The following DNAJB4 variants were observed in gnomAD, a reference collection of about 807,000 sequenced individuals.
DNAJB4 encodes the protein DnaJ heat shock protein family (Hsp40) member B4, also known as dnaJ homolog subfamily B member 4.
DNAJB4 carries 10 observed loss-of-function variants against 26.6 expected under a neutral mutation model. The ratio of observed to expected loss-of-function variants is 0.38; its 90% CI spans 0.23 to 0.64. DNAJB4 has a LOEUF of 0.64. Ranked by LOEUF, DNAJB4 falls within the 30% of genes least tolerant of loss-of-function variation. The pLI is 0.58. For synonymous variants in DNAJB4, 136 were observed against 134.8 expected (o/e 1.01, Z -0.06); for missense variants, 328 against 408.2 (o/e 0.80, Z 1.69).
At chr1:77,983,713 T>G (rs1659725123) in intron 1 of DNAJB4, among the ~76,000 whole-genome samples, 1 of 152,128 alleles carries the variant, frequency 6.6e-6, no homozygotes, top group African/African-American at 2.4e-5. Context: ...GGGGGTAAGG[T>G]TATAGATTAA....
intron 1 of DNAJB4, among the ~76,000 whole-genome samples, chr1:77,984,983 C>T (rs933760902): frequency 6.6e-6 from 1 of 152,162 alleles, no homozygotes; most frequent in African/African-American, 2.4e-5. Flanking sequence ...ATTTCTAATC[C>T]AGTGCTCTTT....
chr1:78,012,965 C>G, intron 1 of DNAJB4, 86 bp from the exon 2 acceptor site: 1 of 1,258,964 alleles, frequency 7.9e-7, no homozygotes, highest in South Asian at 1.8e-5. Flanking sequence ...GTAAGTTAGC[C>G]AAAATTTATT....
chr1:77,980,223 C>T (rs1294236206), exon 1 of DNAJB4: 1 of 152,008 alleles, frequency 6.6e-6, no homozygotes. Flanking sequence ...TGTTTCTTGA[C>T]CAAAATAGAT....
chr1:78,012,095 T>G (rs1660494938), intron 1 of DNAJB4, among the ~76,000 whole-genome samples: 1 of 142,980 alleles, frequency 7.0e-6, no homozygotes. Flanking sequence ...ATTTATATAC[T>G]TCAGCATGCC....
At chr1:77,988,925 T>C (rs1302973998) in intron 1 of DNAJB4, among the ~76,000 whole-genome samples, 1 of 152,186 alleles carries the variant, frequency 6.6e-6, no homozygotes, top group East Asian at 1.9e-4. Flanking sequence ...AGTAAATGAA[T>C]GTTCATTCAT....
At position 78,013,534 on chromosome 1, in the gene DNAJB4, T is replaced by C. The variant is rs145798922; in HGVS notation, c.695T>C (p.Val232Ala). 1 of 1,613,272 alleles carries C rather than the reference T, an allele frequency of 6.2e-7. No individual in the cohort carries two copies. Among genetic ancestry groups the C allele is most frequent in the African/African-American group, 1.3e-5 (1 of 74,896 alleles). ...ETPNSIPADIVFIIKDKDHPK... is the reference protein window; with the variant it reads ...ETPNSIPADIAFIIKDKDHPK... The stretch of plus-strand genomic sequence containing the variant: ...CCAAATAGTATTCCAGCAGACATTG[T>C]TTTTATCATTAAAGACAAAGATCAT... Residue 232 changes from valine to alanine, a missense_variant, in exon 2 of 3, where the codon GTT (valine) becomes GCT (alanine). Val to Ala is a moderately conservative substitution (Grantham distance 64). Coordinates refer to ENST00000370763, the MANE Select transcript of DNAJB4 (RefSeq NM_007034.5).
rs1660634059 is a variant in DNAJB4, at chr1:78,016,063, T to TA, written c.831dup (p.Pro278ThrfsTer6). ...GTACCAACACTGGATGGAAGAAACA[T>TA]ACCTATGTCAGTAAATGATATTGTG... On this transcript the variant is annotated frameshift_variant, in exon 3 of 3. Coordinates refer to ENST00000370763, the MANE Select transcript of DNAJB4 (RefSeq NM_007034.5). LOFTEE classifies it high-confidence loss of function. 5 of 1,613,962 alleles carry TA rather than the reference T, an allele frequency of 3.1e-6. No individual in the cohort carries two copies. Among genetic ancestry groups the TA allele is most frequent in the Non-Finnish European group, 4.2e-6 (5 of 1,180,010 alleles).
At chr1:77,983,772 TCTC>T (rs1286466082) in intron 1 of DNAJB4, among the ~76,000 whole-genome samples, 1 of 151,930 alleles carries the variant, frequency 6.6e-6, no homozygotes, top group Non-Finnish European at 1.5e-5. Flanking sequence ...CAAAATGGAG[TCTC>T]CTATGTCTAC....
At position 78,010,859 on chromosome 1, in the gene DNAJB4, T is replaced by A. The variant is rs191842834; in HGVS notation, c.212-2192T>A. On this transcript the variant is annotated intron_variant, in intron 1 of 2. Coordinates refer to ENST00000370763, the MANE Select transcript of DNAJB4 (RefSeq NM_007034.5). ...GTACCGATACTCAAGACACCTTTTT[T>A]AGTTTTGATTTAGAAGGACTTTAGG... Among the ~76,000 whole-genome samples the A allele has an allele frequency of 2.3e-3, 350 of 152,356 alleles. 1 individual carries two copies. The highest frequency in any genetic ancestry group is 7.6e-3 in the African/African-American group (317 of 41,594).
chr1:78,013,893 G>A (rs1054613428), intron 2 of DNAJB4, among the ~76,000 whole-genome samples: 6 of 151,984 alleles, frequency 3.9e-5, no homozygotes, highest in African/African-American at 1.5e-4. Context: ...ATCTGCATTG[G>A]TAATCTCAAC....
At chr1:77,993,097 G>C (rs548262673) in intron 1 of DNAJB4, among the ~76,000 whole-genome samples, 1 of 152,164 alleles carries the variant, frequency 6.6e-6, no homozygotes, top group Non-Finnish European at 1.5e-5. Context: ...ATCATGTTTA[G>C]TGCTTTATTT....
intron 1 of DNAJB4, among the ~76,000 whole-genome samples, chr1:77,988,015 A>ATG (rs1217967124): frequency 3.0e-4 from 44 of 145,032 alleles, no homozygotes; most frequent in African/African-American, 5.6e-4. Flanking sequence ...TTATATATAT[A>ATG]TGTGTGTGTG....
At chr1:78,003,967 A>G (rs1194917939), upstream of DNAJB4, among the ~76,000 whole-genome samples, 1 of 152,232 alleles carries the variant, frequency 6.6e-6, no homozygotes, top group Non-Finnish European at 1.5e-5. Context: ...AATCTCCAAC[A>G]ATGAATATAT....
chr1:78,015,980 G>A (rs777476432), intron 2 of DNAJB4, 34 bp from the exon 3 acceptor site: 2 of 1,573,700 alleles, frequency 1.3e-6, no homozygotes, highest in South Asian at 2.3e-5. Context: ...GAGTTTTGAA[G>A]TGTTTTCATT....
intron 1 of DNAJB4, among the ~76,000 whole-genome samples, chr1:77,982,666 C>T (rs975792845): frequency 1.3e-5 from 2 of 152,258 alleles, no homozygotes; most frequent in East Asian, 1.9e-4. Flanking sequence ...GGCATGGTAG[C>T]GGACGCCTGT....
At chr1:77,985,839 G>C (rs1659778560) in intron 1 of DNAJB4, among the ~76,000 whole-genome samples, 1 of 152,038 alleles carries the variant, frequency 6.6e-6, no homozygotes, top group Non-Finnish European at 1.5e-5. Flanking sequence ...CTAAGTGCTA[G>C]AGATACAGTA....
At chr1:78,000,284 G>A (rs1354790293), upstream of DNAJB4, among the ~76,000 whole-genome samples, 1 of 152,116 alleles carries the variant, frequency 6.6e-6, no homozygotes, top group Admixed American at 6.5e-5. Flanking sequence ...TCCTCACTAC[G>A]TGCCAATCAC....
In DNAJB4 at chr1:77,994,581, CTCT is replaced by C. The variant is rs1170912935; in HGVS notation, c.-31-10497_-31-10495del. On this transcript the variant is annotated intron_variant, in intron 1 of 2. Coordinates refer to the DNAJB4 transcript ENST00000426517. ...CTGTGTACTCCTTAAACTACTCTCT[CTCT>C]TTTTTTTTTTTTTTAACTACTCTCA... Among the ~76,000 whole-genome samples the C allele has an allele frequency of 2.1e-4, 12 of 56,076 alleles. No individual in the cohort carries two copies. In the South Asian group the frequency reaches 5.6e-3, roughly 26 times the overall value. The allele number at this position is 56,076 out of a possible 152,430, so 36.8% of individuals were successfully genotyped here.
upstream of DNAJB4, among the ~76,000 whole-genome samples, chr1:78,001,831 C>A (rs1009183271): frequency 6.6e-6 from 1 of 152,048 alleles, no homozygotes; most frequent in African/African-American, 2.4e-5. Context: ...CCTGACTGTA[C>A]TTTTCTTATA....
Sources: allele counts gnomAD v4.1 joint callset (sites outside exome capture counted in the v4.1 genomes callset), GRCh38; gene constraint gnomAD v4.1.1; transcripts MANE v1.5; gene names NCBI Gene and HGNC (gene_info 2026-07-23, HGNC 2026-07-21).